SPART: variants seen among roughly 807,000 people sequenced by gnomAD.
SPART encodes the protein spastic paraplegia 20 (Troyer syndrome).
SPART carries 35 observed loss-of-function variants against 58.7 expected under a neutral mutation model. The observed-to-expected ratio is 0.60, with a 90% CI of 0.46 to 0.79. The LOEUF (loss-of-function observed/expected upper bound fraction) is 0.79, where lower values mean the gene tolerates loss of function less well. Ranked by LOEUF, SPART falls within the 30% of genes least tolerant of loss-of-function variation. SPART has a pLI of 0.00. For missense variants in SPART, 730 were observed against 786.1 expected (o/e 0.93, Z 0.85); for synonymous variants, 284 against 280.7 (o/e 1.01, Z -0.12).
At chr13:36,321,563 C>T (rs1463974006) in intron 5 of SPART, among the ~76,000 whole-genome samples, 3 of 151,256 alleles carry the variant, frequency 2.0e-5, no homozygotes, top group Admixed American at 6.6e-5. Context: ...TACCACAAGA[C>T]CTCCCTTCAG....
chr13:36,341,006 T>C (rs1157361803), intron 1 of SPART, among the ~76,000 whole-genome samples: 1 of 152,214 alleles, frequency 6.6e-6, no homozygotes, highest in African/African-American at 2.4e-5. Context: ...AAAAAGTTTA[T>C]GTGCATGCGA....
chr13:36,341,171 G>GA (rs1325544897), intron 1 of SPART, among the ~76,000 whole-genome samples: 1 of 152,138 alleles, frequency 6.6e-6, no homozygotes, highest in African/African-American at 2.4e-5. Flanking sequence ...ACTTTGGGAG[G>GA]AAGGGGTAAG....
Position 36,304,127 on chromosome 13 carries a change from T to C in SPART, c.*238A>G, listed in dbSNP as rs1880246024. 2 of 569,456 alleles carry C rather than the reference T, an allele frequency of 3.5e-6. No homozygotes were observed. The highest frequency in any genetic ancestry group is 2.1e-5 in the South Asian group (1 of 47,138). The allele number at this position is 569,456 out of a possible 1,614,324, so 35.3% of individuals were successfully genotyped here. On this transcript the variant is annotated 3_prime_UTR_variant, in exon 9 of 9. Coordinates refer to ENST00000438666, the MANE Select transcript of SPART (RefSeq NM_015087.5). ...ATTTTACCTGCAAAAATATTTTAGC[T>C]ACACTTGGAAAAAAATAAACTTGAG...
chr13:36,359,624 G>T (rs1277411428), intron 1 of SPART, among the ~76,000 whole-genome samples: 1 of 152,108 alleles, frequency 6.6e-6, no homozygotes, highest in East Asian at 1.9e-4. Context: ...AACTTCATAG[G>T]ATTGTATTTG....
chr13:36,339,294 A>G lies in SPART; in HGVS notation c.-2-3462T>C, dbSNP rs76839483. ...ATTATAGAAAATGCCCAGAAAGCAG[A>G]GCAAAAAGACAGAGATGAAAAATAG... is the stretch of plus-strand genomic sequence containing the variant. On this transcript the variant is annotated intron_variant, in intron 1 of 8. Coordinates refer to ENST00000438666, the MANE Select transcript of SPART (RefSeq NM_015087.5). Among the ~76,000 whole-genome samples, 1,029 of 152,272 alleles carry G rather than the reference A, an allele frequency of 6.8e-3. 10 individuals are homozygous for G. The highest frequency in any genetic ancestry group is 0.024 in the African/African-American group (999 of 41,544).
chr13:36,342,949 ACTC>A (rs1198375571), intron 1 of SPART, among the ~76,000 whole-genome samples: 1 of 151,824 alleles, frequency 6.6e-6, no homozygotes, highest in Non-Finnish European at 1.5e-5. Context: ...CTTCTCACCC[ACTC>A]CTATTCTTAC....
intron 1 of SPART, among the ~76,000 whole-genome samples, chr13:36,356,100 A>C (rs946243714): frequency 6.6e-6 from 1 of 152,230 alleles, no homozygotes; most frequent in Non-Finnish European, 1.5e-5. Flanking sequence ...TTGTTTACTC[A>C]TGTGGTCCTA....
At chr13:36,365,561 C>G (rs1291743741) in intron 1 of SPART, 1 of 462,892 alleles carries the variant, frequency 2.2e-6, no homozygotes, top group Non-Finnish European at 4.5e-6. Context: ...CCTATTGATA[C>G]CTACCCACTT....
intron 8 of SPART, among the ~76,000 whole-genome samples, chr13:36,305,794 C>A (rs1880452919): frequency 1.3e-5 from 2 of 152,070 alleles, no homozygotes; most frequent in African/African-American, 4.8e-5. Flanking sequence ...ACAGATTTCC[C>A]CCAAATAGAG....
In SPART at chr13:36,326,689, T is replaced by G; in HGVS notation, c.1174A>C (p.Thr392Pro). 1 of 1,612,906 alleles carries G rather than the reference T, an allele frequency of 6.2e-7. No individual in the cohort carries two copies. Among genetic ancestry groups the G allele is most frequent in the Non-Finnish European group, 8.5e-7 (1 of 1,179,798 alleles). Residue 392 changes from threonine to proline, a missense_variant, in exon 5 of 9, where the codon ACT becomes CCT. Coordinates refer to ENST00000438666, the MANE Select transcript of SPART (RefSeq NM_015087.5). ...KGKRGKRAKDTSSEEVNLSHI... is the reference protein window; with the variant it reads ...KGKRGKRAKDPSSEEVNLSHI... ...CTCAGGTTAACTTCTTCACTTGAAG[T>G]ATCTTTAGCCTAAACAGTAAAAATG...
At chr13:36,342,663 T>C (rs1843388572) in intron 1 of SPART, among the ~76,000 whole-genome samples, 1 of 152,152 alleles carries the variant, frequency 6.6e-6, no homozygotes, top group Admixed American at 6.5e-5. Context: ...TTGCCAAATG[T>C]ACTTTGGGCA....
At chr13:36,366,985 A>G (rs915219860) in intron 1 of SPART, among the ~76,000 whole-genome samples, 1 of 152,204 alleles carries the variant, frequency 6.6e-6, no homozygotes, top group Non-Finnish European at 1.5e-5. Flanking sequence ...CCACCCCAGG[A>G]GGAGCGCTAG....
Position 36,304,312 on chromosome 13 carries a change from C to A in SPART, c.*53G>T. ...AGGAATTCCACATTTGCCTATTTAA[C>A]AAAATTTCATCCATTTCATAAGGCT... On this transcript the variant is annotated 3_prime_UTR_variant, in exon 9 of 9. Transcript: ENST00000438666. 1 of 1,610,332 alleles carries A rather than the reference C, an allele frequency of 6.2e-7. No individual in the cohort carries two copies. The highest frequency in any genetic ancestry group is 8.5e-7 in the Non-Finnish European group (1 of 1,177,404).
rs898806081 is a variant in SPART at position 36,367,585 on chromosome 13, A to C, written c.-3+2504T>G. Among the ~76,000 whole-genome samples the C allele has an allele frequency of 2.5e-4, 38 of 152,048 alleles. 1 individual carries two copies. The highest frequency in any genetic ancestry group is 1.3e-4 in the Non-Finnish European group (9 of 68,002). On this transcript the variant is annotated intron_variant, in intron 1 of 8. Transcript: ENST00000355182. ...CTTCCCCTTTCCTTCTTGCCTATTA[A>C]ACTCTCCGCTCTTAAAACCATTTAA...
intron 8 of SPART, among the ~76,000 whole-genome samples, chr13:36,311,591 A>C (rs1162289877): frequency 6.6e-6 from 1 of 152,238 alleles, no homozygotes; most frequent in Non-Finnish European, 1.5e-5. Context: ...AGGCTTTTAA[A>C]AAAAATAACC....
chr13:36,335,772 T>C lies in SPART; in HGVS notation c.59A>G (p.Tyr20Cys), dbSNP rs752468309. Reference protein sequence around the residue: ...PAEIKIIREAYKKAFLFVNKG... With the variant: ...PAEIKIIREACKKAFLFVNKG... Reference sequence around the variant, plus strand: ...GTTAACAAATAAAAAGGCCTTCTTATATGCTTCTCTGATGATCTTAATTTC... The same window carrying C: ...GTTAACAAATAAAAAGGCCTTCTTACATGCTTCTCTGATGATCTTAATTTC... Residue 20 changes from tyrosine to cysteine, a missense_variant, in exon 2 of 9, where the codon TAT (tyrosine) becomes TGT (cysteine). By Grantham distance (194) the Tyr-to-Cys change is radical. Coordinates refer to ENST00000438666, the MANE Select transcript of SPART (RefSeq NM_015087.5). The C allele has an allele frequency of 2.5e-6, 4 of 1,613,854 alleles. No homozygotes were observed. Among genetic ancestry groups the C allele is most frequent in the African/African-American group, 2.7e-5 (2 of 74,936 alleles).
chr13:36,308,494 G>T (rs1321262189), intron 8 of SPART: 1 of 152,122 alleles, frequency 6.6e-6, no homozygotes, highest in Non-Finnish European at 1.5e-5. Flanking sequence ...AGAAATAAAT[G>T]AGCTGAGAAT....
intron 1 of SPART, among the ~76,000 whole-genome samples, chr13:36,356,663 C>G (rs1053751808): frequency 6.6e-6 from 1 of 152,180 alleles, no homozygotes; most frequent in African/African-American, 2.4e-5. Flanking sequence ...ATTGATGTCT[C>G]ATGCCTCCCT....
Position 36,356,804 on chromosome 13 carries a change from T to C in SPART, c.-3+13285A>G, listed in dbSNP as rs528639137. Among the ~76,000 whole-genome samples, 3 of 152,248 alleles carry C rather than the reference T, an allele frequency of 2.0e-5. No homozygotes were observed. The East Asian group carries it at 5.8e-4, about 29-fold the overall frequency. On this transcript the variant is annotated intron_variant, in intron 1 of 8. Coordinates refer to the SPART transcript ENST00000355182. ...AAATCTCTTCAAATATCTTACAGAG[T>C]TTGACTCTTTTTGTCAACATAAGTA...
Sources: allele counts gnomAD v4.1 joint callset (sites outside exome capture counted in the v4.1 genomes callset), GRCh38; gene constraint gnomAD v4.1.1; transcripts MANE v1.5; gene names NCBI Gene and HGNC (gene_info 2026-07-23, HGNC 2026-07-21).